The following SEMA3D variants were observed in gnomAD, a reference collection of about 807,000 sequenced individuals.
The protein encoded by SEMA3D is semaphorin 3D, also known as semaphorin-3D.
A neutral mutation model predicts 100.1 loss-of-function variants in SEMA3D; 84 were observed. The ratio of observed to expected loss-of-function variants is 0.84; its 90% confidence interval spans 0.70 to 1.01. The LOEUF (loss-of-function observed/expected upper bound fraction) is 1.01, where lower values mean the gene tolerates loss of function less well. Ranked by LOEUF, SEMA3D falls within the 50% of genes least tolerant of loss-of-function variation. The probability of loss-of-function intolerance (pLI) is 0.00; values close to 1 mark genes in which losing one functional copy is unlikely to be tolerated. For missense variants in SEMA3D, 875 were observed against 934.1 expected (o/e 0.94, Z 0.82); for synonymous variants, 312 against 320.7 (o/e 0.97, Z 0.29).
chr7:85,167,638 T>C (rs1790945682), intron 1 of SEMA3D, among the ~76,000 whole-genome samples: 1 of 151,860 alleles, frequency 6.6e-6, no homozygotes, highest in African/African-American at 2.4e-5. Context: ...ATTTTCATTG[T>C]CAAATCCCCA....
rs73703764 is a variant in SEMA3D at position 85,074,426 on chromosome 7, G to C, written c.376-1345C>G. On this transcript the variant is annotated intron_variant, in intron 5 of 18. Transcript: ENST00000284136. Reference sequence around the variant, plus strand: ...AGAATGAAATAAAATTTTTTAAAAAGGCAGACAATGACTTAATGATAGGAT... The same window carrying C: ...AGAATGAAATAAAATTTTTTAAAAACGCAGACAATGACTTAATGATAGGAT... 2.2e-3 allele frequency among the ~76,000 whole-genome samples: 340 copies of C among 152,150 alleles called. 1 individual carries two copies. Among genetic ancestry groups the C allele is most frequent in the African/African-American group, 7.5e-3 (313 of 41,514 alleles).
the SEMA3D span, among the ~76,000 whole-genome samples, chr7:85,202,015 A>C: frequency 6.6e-6 from 1 of 151,054 alleles, no homozygotes; most frequent in Non-Finnish European, 1.5e-5. Flanking sequence ...CTATCACACT[A>C]GTCTCTGTCT....
chr7:85,055,918 T>A, intron 8 of SEMA3D, 59 bp from the exon 9 acceptor site: 1 of 924,130 alleles, frequency 1.1e-6, no homozygotes, highest in Non-Finnish European at 1.6e-6. Flanking sequence ...TCATCATAGT[T>A]TGATGATATT....
chr7:85,212,690 TA>T, the SEMA3D span, among the ~76,000 whole-genome samples: 2 of 152,078 alleles, frequency 1.3e-5, no homozygotes, highest in African/African-American at 4.8e-5. Context: ...TTACTACAGA[TA>T]AATTTTTGAT....
intron 12 of SEMA3D, 58 bp downstream of exon 12, chr7:85,036,831 A>G (rs1790710525): frequency 1.4e-5 from 19 of 1,399,742 alleles, no homozygotes; most frequent in Non-Finnish European, 1.9e-5. Context: ...ATTACAATTA[A>G]ATTAAGAATT....
intron 3 of SEMA3D, among the ~76,000 whole-genome samples, chr7:85,106,858 C>T (rs567982532): frequency 6.6e-6 from 1 of 152,124 alleles, no homozygotes; most frequent in East Asian, 1.9e-4. Context: ...CTCATGACAA[C>T]TCACTCACTA....
chr7:85,248,484 T>G, the SEMA3D span, among the ~76,000 whole-genome samples: 7 of 152,144 alleles, frequency 4.6e-5, no homozygotes, highest in Non-Finnish European at 1.0e-4. Flanking sequence ...TATTTACTCA[T>G]AGGAACTGAT....
chr7:85,038,076 T>G (rs1790753761), intron 11 of SEMA3D, among the ~76,000 whole-genome samples: 1 of 150,944 alleles, frequency 6.6e-6, no homozygotes, highest in Non-Finnish European at 1.5e-5. Flanking sequence ...AGGGACAGCA[T>G]CTGGAGATAC....
chr7:85,077,721 A>G (rs1447014659), intron 5 of SEMA3D, among the ~76,000 whole-genome samples: 1 of 152,150 alleles, frequency 6.6e-6, no homozygotes, highest in Admixed American at 6.5e-5. Flanking sequence ...TAACAATGGT[A>G]TAATAGGTAA....
At chr7:85,128,263 G>A (rs1446089166) in intron 2 of SEMA3D, among the ~76,000 whole-genome samples, 1 of 151,926 alleles carries the variant, frequency 6.6e-6, no homozygotes, top group African/African-American at 2.4e-5. Context: ...CACATCTCTG[G>A]TTCAAGTGAT....
chr7:85,166,923 G>A (rs1242224910), intron 1 of SEMA3D, among the ~76,000 whole-genome samples: 2 of 151,900 alleles, frequency 1.3e-5, no homozygotes. Flanking sequence ...AGGTGATAAT[G>A]GATTATAGCC....
intron 1 of SEMA3D, among the ~76,000 whole-genome samples, chr7:85,160,226 A>G (rs1790710618): frequency 6.6e-6 from 1 of 152,202 alleles, no homozygotes; most frequent in Admixed American, 6.5e-5. Context: ...TGAAGTGTGA[A>G]CGAAATTGAT....
chr7:85,053,226 A>T (rs1583874874), intron 9 of SEMA3D, among the ~76,000 whole-genome samples: 1 of 152,146 alleles, frequency 6.6e-6, no homozygotes, highest in Admixed American at 6.6e-5. Flanking sequence ...AAATCTTTGT[A>T]AAACTCAGTG....
chr7:85,115,822 C>T (rs982587208), intron 3 of SEMA3D, among the ~76,000 whole-genome samples: 1 of 151,976 alleles, frequency 6.6e-6, no homozygotes, highest in Non-Finnish European at 1.5e-5. Flanking sequence ...ATTTTTAAAC[C>T]GTTGATTAGT....
chr7:85,126,406 T>TGTGTC (rs1562828130), intron 2 of SEMA3D, among the ~76,000 whole-genome samples: 47 of 124,508 alleles, frequency 3.8e-4, no homozygotes, highest in African/African-American at 1.4e-3. Flanking sequence ...GTGTGTGTCG[T>TGTGTC]GTGTGTGTGT....
intron 4 of SEMA3D, among the ~76,000 whole-genome samples, chr7:85,096,453 G>A (rs957333783): frequency 6.6e-6 from 1 of 151,800 alleles, no homozygotes; most frequent in African/African-American, 2.4e-5. Context: ...GAGGTTTTTA[G>A]TGTGTTTGGA....
chr7:85,216,199 A>T, the SEMA3D span, among the ~76,000 whole-genome samples: 1 of 152,080 alleles, frequency 6.6e-6, no homozygotes, highest in Non-Finnish European at 1.5e-5. Context: ...ACACATTTTT[A>T]TTGAGGATAC....
At chr7:85,053,081 T>C (rs1464796364) in intron 9 of SEMA3D, among the ~76,000 whole-genome samples, 1 of 151,974 alleles carries the variant, frequency 6.6e-6, no homozygotes, top group Admixed American at 6.6e-5. Flanking sequence ...TTCTTTACTG[T>C]GCTAACTTAT....
At chr7:85,245,006 C>T in the SEMA3D span, among the ~76,000 whole-genome samples, 16 of 152,198 alleles carry the variant, frequency 1.1e-4, no homozygotes, top group East Asian at 1.7e-3. Flanking sequence ...CCACTGCGCC[C>T]GGCCAGAATC....
Sources: allele counts gnomAD v4.1 joint callset (sites outside exome capture counted in the v4.1 genomes callset), GRCh38; gene constraint gnomAD v4.1.1; transcripts MANE v1.5; gene names NCBI Gene and HGNC (gene_info 2026-07-23, HGNC 2026-07-21).